The following GARS1 variants were observed in gnomAD, a reference collection of about 807,000 sequenced individuals.
GARS1 encodes the protein glycyl-tRNA synthetase 1.
GARS1 carries 46 observed loss-of-function variants against 86.4 expected under a neutral mutation model. The observed-to-expected ratio is 0.53, with a 90% CI of 0.42 to 0.68. GARS1 has a LOEUF of 0.68. Among genes scored for constraint, GARS1 ranks in the 30% least tolerant of loss-of-function variants. The pLI, the probability that GARS1 is intolerant of heterozygous loss-of-function variation, is 0.00. For synonymous variants in GARS1, 342 were observed against 329.8 expected (o/e 1.04, Z -0.40); for missense variants, 797 against 915.6 (o/e 0.87, Z 1.67).
chr7:30,602,929 A>T, intron 4 of GARS1, 105 bp from the exon 5 acceptor site: 1 of 833,444 alleles, frequency 1.2e-6, no homozygotes, highest in Non-Finnish European at 2.1e-6. Context: ...GGGAGCTTCC[A>T]TCTTTGAGAT....
rs556655653 is a variant in GARS1, at chr7:30,599,466, G to A, written c.325-481G>A. 3.3e-5 allele frequency among the ~76,000 whole-genome samples: 5 copies of A among 151,980 alleles called. No individual in the cohort carries two copies. The South Asian group carries it at 1.0e-3, about 32-fold the overall frequency. ...TGCCCAGGCTGGAGTGCAATGGTGC[G>A]ATCTCAGCTCACTGCAACCTCTGCC... On this transcript the variant is annotated intron_variant, in intron 2 of 16. Transcript: ENST00000389266.
chr7:30,606,466 C>G (rs528083501), intron 6 of GARS1, among the ~76,000 whole-genome samples: 8 of 152,286 alleles, frequency 5.3e-5, no homozygotes, highest in Non-Finnish European at 1.2e-4. Context: ...TTAGTTGGTT[C>G]CCTAACATCC....
In GARS1 at chr7:30,617,177, G is replaced by A. The variant is rs749129356; in HGVS notation, c.1258G>A (p.Val420Ile). Residue 420 changes from valine to isoleucine, a missense_variant, in exon 10 of 17, where the codon GTT becomes ATT. Around this residue, in one of 2 missense-constraint regions of GARS1, gnomAD observed 598 missense variants for 738.7 expected, o/e 0.81. Coordinates refer to ENST00000389266, the MANE Select transcript of GARS1 (RefSeq NM_002047.4). ...IGRIYLYLTK[V>I]GISPDKLRFR... ...CCGCATCTACCTCTACCTCACGAAG[G>A]TTGGAATATCTCCAGATAAACTCCG... 3 of 1,614,054 alleles carry A rather than the reference G, an allele frequency of 1.9e-6. No homozygotes were observed. Among genetic ancestry groups the A allele is most frequent in the Admixed American group, 1.7e-5 (1 of 60,014 alleles).
rs1383213502 is a variant in GARS1 at position 30,632,136 on chromosome 7, T to G, written c.1904-111T>G. On this transcript the variant is annotated intron_variant, in intron 15 of 16. Transcript: ENST00000389266. This position sits in a 1 kb window ranked among gnomAD's most constrained non-coding sequence, Gnocchi z 4.1. ...TCTCTTGCAACTCAACTTGTTGCTT[T>G]CTTGTCTTGGTCCCATTTATAAGTC... The G allele has an allele frequency of 6.9e-6, 7 of 1,009,622 alleles. No individual in the cohort carries two copies. Among genetic ancestry groups the G allele is most frequent in the Non-Finnish European group, 1.1e-5 (7 of 658,520 alleles). The allele number at this position is 1,009,622 out of a possible 1,614,324, so 62.5% of individuals were successfully genotyped here. A position where few individuals can be genotyped will look rare whatever the true frequency, so the allele number is the denominator to read the frequency against.
intron 10 of GARS1, among the ~76,000 whole-genome samples, chr7:30,620,677 C>T (rs559787767): frequency 2.0e-5 from 3 of 152,276 alleles, no homozygotes; most frequent in East Asian, 3.9e-4. Context: ...TCATAATGCT[C>T]TTATATAATT....
rs181906567 is a variant in GARS1 at position 30,630,943 on chromosome 7, T to A, written c.1810-505T>A. Among the ~76,000 whole-genome samples the A allele has an allele frequency of 2.8e-4, 43 of 152,364 alleles. 1 individual carries two copies. Among genetic ancestry groups the A allele is most frequent in the Non-Finnish European group, 5.3e-4 (36 of 68,038 alleles). The stretch of plus-strand genomic sequence containing the variant: ...ACTATTTCTTTTGGACATATGTTTG[T>A]GAGCTAATTAAACTTTTCTGTTTCA... On this transcript the variant is annotated intron_variant, in intron 14 of 16. Coordinates refer to ENST00000389266, the MANE Select transcript of GARS1 (RefSeq NM_002047.4).
chr7:30,598,859 G>A lies in GARS1; in HGVS notation c.286G>A (p.Ala96Thr), dbSNP rs757439624. 6.8e-6 allele frequency: 11 copies of A among 1,614,156 alleles called. No individual in the cohort carries two copies. In the East Asian group the frequency reaches 2.2e-4, roughly 33 times the overall value. ...CCAAGTAGACGTAGACAAAGCAGTGGCTGAGCTCAAAGCCCGCAAGAGGGT... is the reference window on the plus strand; with the variant it reads ...CCAAGTAGACGTAGACAAAGCAGTGACTGAGCTCAAAGCCCGCAAGAGGGT... ...APQVDVDKAVAELKARKRVLE... is the reference protein window; with the variant it reads ...APQVDVDKAVTELKARKRVLE... The change falls in exon 2 of 17, where the codon GCT becomes ACT. Residue 96 changes from alanine to threonine, a missense_variant. Transcript: ENST00000389266.
intron 8 of GARS1, 36 bp from the exon 9 acceptor site, chr7:30,615,860 A>C: frequency 6.2e-7 from 1 of 1,610,608 alleles, no homozygotes; most frequent in Non-Finnish European, 8.5e-7. Context: ...TTTGTAGTTA[A>C]ATATGCAGGT....
intron 10 of GARS1, among the ~76,000 whole-genome samples, chr7:30,621,051 TTTC>T (rs993426203): frequency 5.0e-5 from 7 of 140,760 alleles, no homozygotes; most frequent in African/African-American, 8.1e-5. Context: ...TATTTTTTTC[TTTC>T]TTTTTTTTTT....
At position 30,596,975 on chromosome 7, in the gene GARS1, A is replaced by C. The variant is rs915387271; in HGVS notation, c.223-1821A>C. Among the ~76,000 whole-genome samples, 4 of 152,186 alleles carry C rather than the reference A, an allele frequency of 2.6e-5. No individual in the cohort carries two copies. The East Asian group carries it at 7.7e-4, about 29-fold the overall frequency. ...TTGTTAGTAGCACATGTTTCATAGAAATTTGTTAATCTGGAAAATGAATGA... is the reference window on the plus strand; with the variant it reads ...TTGTTAGTAGCACATGTTTCATAGACATTTGTTAATCTGGAAAATGAATGA... On this transcript the variant is annotated intron_variant, in intron 1 of 16. Transcript: ENST00000389266.
chr7:30,631,425 T>G (rs1783232520), intron 14 of GARS1, 23 bp from the exon 15 acceptor site: 1 of 1,572,384 alleles, frequency 6.4e-7, no homozygotes, highest in South Asian at 1.1e-5. Flanking sequence ...ATATTTGGAT[T>G]TTTTTCTTTT....
At chr7:30,601,604 T>G (rs1391951727) in intron 4 of GARS1, among the ~76,000 whole-genome samples, 1 of 152,244 alleles carries the variant, frequency 6.6e-6, no homozygotes, top group East Asian at 1.9e-4. Context: ...CATTTTTGAC[T>G]GCACCGAATA....
intron 14 of GARS1, among the ~76,000 whole-genome samples, chr7:30,629,981 C>T (rs1000372233): frequency 4.6e-5 from 7 of 152,156 alleles, no homozygotes; most frequent in South Asian, 2.1e-4. Context: ...ATAGAAATTT[C>T]GTAAGGGCTA....
Position 30,603,484 on chromosome 7 carries a change from C to T in GARS1, c.659-12C>T, listed in dbSNP as rs1348597350. On this transcript the variant is annotated splice_polypyrimidine_tract_variant and intron_variant, in intron 5 of 16. Coordinates refer to ENST00000389266, the MANE Select transcript of GARS1 (RefSeq NM_002047.4). ...TCCCATTGATTGATATATGTCAACA[C>T]TGTTCTTACAGCTCATTTACAGAAA... The T allele has an allele frequency of 1.2e-6, 2 of 1,606,988 alleles. No individual in the cohort carries two copies. Among genetic ancestry groups the T allele is most frequent in the Non-Finnish European group, 1.7e-6 (2 of 1,174,080 alleles).
At chr7:30,612,513 C>G (rs1323746032) in intron 8 of GARS1, among the ~76,000 whole-genome samples, 2 of 151,488 alleles carry the variant, frequency 1.3e-5, no homozygotes, top group Non-Finnish European at 2.9e-5. Flanking sequence ...TTACCTTTTT[C>G]CTTGTTCATC....
intron 12 of GARS1, 90 bp from the exon 13 acceptor site, chr7:30,626,144 A>G (rs1783122555): frequency 1.3e-6 from 1 of 743,052 alleles, no homozygotes; most frequent in Admixed American, 2.2e-5. Context: ...ATAAAAAGAA[A>G]AAACAACTTA....
At chr7:30,607,913 C>T (rs527552515) in intron 6 of GARS1, among the ~76,000 whole-genome samples, 22 of 152,268 alleles carry the variant, frequency 1.4e-4, no homozygotes, top group Admixed American at 8.5e-4. Context: ...TGTATGCCCT[C>T]CTTTCTAGAT....
intron 6 of GARS1, among the ~76,000 whole-genome samples, chr7:30,604,928 G>A (rs1024879237): frequency 2.0e-5 from 3 of 152,222 alleles, no homozygotes; most frequent in African/African-American, 7.2e-5. Flanking sequence ...GAGTTGGGAA[G>A]TAACTAGTTG....
chr7:30,615,754 C>T, intron 8 of GARS1, 142 bp from the exon 9 acceptor site: 1 of 911,928 alleles, frequency 1.1e-6, no homozygotes, highest in Non-Finnish European at 1.6e-6. Context: ...CTTAGGAAAC[C>T]AACTTTCTGT....
Sources: allele counts gnomAD v4.1 joint callset (sites outside exome capture counted in the v4.1 genomes callset), GRCh38; gene constraint gnomAD v4.1.1; regional missense constraint gnomAD v4.1.1; non-coding constraint Gnocchi (gnomAD v3.1); transcripts MANE v1.5; gene names NCBI Gene and HGNC (gene_info 2026-07-23, HGNC 2026-07-21).